The following PTPRG variants were observed in gnomAD, a reference collection of about 807,000 sequenced individuals.
PTPRG encodes the protein protein tyrosine phosphatase receptor type G.
Under a neutral mutation model 165.3 loss-of-function variants are expected in PTPRG, and 102 were observed. That is an observed-to-expected ratio of 0.62 (90% CI 0.53 to 0.73). The LOEUF (loss-of-function observed/expected upper bound fraction) is 0.73. Among genes scored for constraint, PTPRG ranks in the 30% least tolerant of loss-of-function variants. The pLI is 0.00. For synonymous variants in PTPRG, 675 were observed against 669.5 expected, an observed-to-expected ratio of 1.01 and a Z score of -0.13; for missense variants, 1,866 against 1,861.4, an observed-to-expected ratio of 1.00 and a Z score of -0.05.
intron 15 of PTPRG, among the ~76,000 whole-genome samples, chr3:62,250,074 C>T (rs1013558825): frequency 2.6e-5 from 4 of 152,102 alleles, no homozygotes; most frequent in African/African-American, 9.7e-5. Context: ...GCCAGGCACT[C>T]TTATAAGTAC....
intron 5 of PTPRG, among the ~76,000 whole-genome samples, chr3:62,092,449 A>AAAAAAAAG (rs1701974481): frequency 6.7e-6 from 1 of 150,348 alleles, no homozygotes; most frequent in African/African-American, 2.5e-5. Flanking sequence ...GAAAAAAAAA[A>AAAAAAAAG]AAAAAAAAAA....
chr3:61,660,729 C>A (rs1048911502), intron 1 of PTPRG, among the ~76,000 whole-genome samples: 1 of 152,106 alleles, frequency 6.6e-6, no homozygotes, highest in African/African-American at 2.4e-5. Flanking sequence ...TGACTGGATG[C>A]GTTGGCTCAC....
At chr3:61,786,176 G>A (rs1046947421) in intron 2 of PTPRG, among the ~76,000 whole-genome samples, 2 of 152,152 alleles carry the variant, frequency 1.3e-5, no homozygotes, top group Non-Finnish European at 1.5e-5. Flanking sequence ...GGTAGAGTAG[G>A]TAGTGTCAGA....
Position 61,628,653 on chromosome 3 carries a change from T to C in PTPRG, c.85+66281T>C, listed in dbSNP as rs566355841. On this transcript the variant is annotated intron_variant, in intron 1 of 29. Coordinates refer to ENST00000474889, the MANE Select transcript of PTPRG (RefSeq NM_002841.4). ...CCAGCCCTGTCAACTTCTAATGATA[T>C]AATGTTGGTGGTGATGGTAAATTAT... Among the ~76,000 whole-genome samples the C allele has an allele frequency of 6.8e-4, 104 of 152,210 alleles. 1 individual carries two copies. Among genetic ancestry groups the C allele is most frequent in the African/African-American group, 2.4e-3 (100 of 41,520 alleles).
intron 23 of PTPRG, among the ~76,000 whole-genome samples, chr3:62,274,118 G>C (rs1702158919): frequency 6.6e-6 from 1 of 152,068 alleles, no homozygotes; most frequent in Non-Finnish European, 1.5e-5. Flanking sequence ...TAATGACATA[G>C]TACTTTAAAG....
Position 61,597,703 on chromosome 3 carries a change from A to T in PTPRG, c.85+35331A>T, listed in dbSNP as rs115586196. Among the ~76,000 whole-genome samples, 863 of 152,294 alleles carry T rather than the reference A, an allele frequency of 5.7e-3. 4 individuals carry two copies. The highest frequency in any genetic ancestry group is 0.02 in the African/African-American group (825 of 41,558). Reference sequence around the variant, plus strand: ...TAATTTAATCTATTAAAATGGATAAATCTGCAAGGATGTTGAAGACCCTGT... The same window carrying T: ...TAATTTAATCTATTAAAATGGATAATTCTGCAAGGATGTTGAAGACCCTGT... On this transcript the variant is annotated intron_variant, in intron 1 of 29. Coordinates refer to ENST00000474889, the MANE Select transcript of PTPRG (RefSeq NM_002841.4).
At chr3:61,592,420 A>G (rs1323176760) in intron 1 of PTPRG, among the ~76,000 whole-genome samples, 1 of 152,088 alleles carries the variant, frequency 6.6e-6, no homozygotes, top group Admixed American at 6.6e-5. Context: ...GGATGAGCCC[A>G]AACTGCTTGG....
chr3:61,666,830 C>A (rs1702824957), intron 1 of PTPRG, among the ~76,000 whole-genome samples: 1 of 152,152 alleles, frequency 6.6e-6, no homozygotes. Context: ...TAATTTGTTT[C>A]TGACCACTGA....
chr3:61,629,848 G>A (rs1250471138), intron 1 of PTPRG, among the ~76,000 whole-genome samples: 7 of 152,218 alleles, frequency 4.6e-5, no homozygotes, highest in Admixed American at 2.6e-4. Context: ...CATTGTTTAA[G>A]TGTAACATGT....
intron 1 of PTPRG, among the ~76,000 whole-genome samples, chr3:61,617,585 T>A (rs537410260): frequency 3.3e-5 from 5 of 152,332 alleles, no homozygotes; most frequent in African/African-American, 1.2e-4. Flanking sequence ...TGAGAAAGGC[T>A]TAATTTTACA....
intron 8 of PTPRG, among the ~76,000 whole-genome samples, chr3:62,179,475 A>G (rs544165048): frequency 1.3e-5 from 2 of 152,314 alleles, no homozygotes; most frequent in South Asian, 2.1e-4. Flanking sequence ...GAGCTATGCA[A>G]TTCTTTGCTT....
intron 5 of PTPRG, among the ~76,000 whole-genome samples, chr3:62,127,624 G>T (rs1285443816): frequency 6.6e-6 from 1 of 152,156 alleles, no homozygotes; most frequent in Non-Finnish European, 1.5e-5. Flanking sequence ...GATGTTTATG[G>T]AACTAAAGGA....
intron 4 of PTPRG, among the ~76,000 whole-genome samples, chr3:62,004,161 A>G (rs772485877): frequency 2.6e-5 from 4 of 152,182 alleles, no homozygotes; most frequent in Non-Finnish European, 5.9e-5. Context: ...GGGACAGCAC[A>G]TCTCTTCCAA....
chr3:62,087,651 G>A (rs1049533103), intron 5 of PTPRG, among the ~76,000 whole-genome samples: 1 of 152,132 alleles, frequency 6.6e-6, no homozygotes, highest in African/African-American at 2.4e-5. Flanking sequence ...ACTAAGTGTT[G>A]GAGCCAGCAT....
At chr3:61,565,919 C>T (rs1400049693) in intron 1 of PTPRG, among the ~76,000 whole-genome samples, 1 of 151,980 alleles carries the variant, frequency 6.6e-6, no homozygotes, top group Non-Finnish European at 1.5e-5. Flanking sequence ...TTTCTCTTTA[C>T]AGGGTGTGAG....
chr3:62,167,331 A>G (rs536288686), intron 7 of PTPRG, among the ~76,000 whole-genome samples: 1 of 152,196 alleles, frequency 6.6e-6, no homozygotes, highest in Non-Finnish European at 1.5e-5. Context: ...CGACTTTGCC[A>G]AACTTGATCA....
intron 2 of PTPRG, among the ~76,000 whole-genome samples, chr3:61,918,546 C>T (rs763299569): frequency 1.3e-5 from 2 of 152,088 alleles, no homozygotes; most frequent in African/African-American, 2.4e-5. Context: ...ACAAATAGTA[C>T]TGAGGATAGG....
chr3:62,237,711 T>A lies in PTPRG; in HGVS notation c.2376-6096T>A, dbSNP rs1033560354. Among the ~76,000 whole-genome samples the A allele has an allele frequency of 4.5e-4, 69 of 152,240 alleles. No individual in the cohort carries two copies. The highest frequency in any genetic ancestry group is 3.1e-4 in the Non-Finnish European group (21 of 68,042). On this transcript the variant is annotated intron_variant, in intron 14 of 29. Coordinates refer to ENST00000474889, the MANE Select transcript of PTPRG (RefSeq NM_002841.4). This position sits in a 1 kb window ranked among gnomAD's most constrained non-coding sequence, Gnocchi z 4.5. Reference sequence around the variant, plus strand: ...AATCACAAGCTTCATGTGTCCCATGTGGGCTTTTAAGAAGCCATGCATACT... The same window carrying A: ...AATCACAAGCTTCATGTGTCCCATGAGGGCTTTTAAGAAGCCATGCATACT...
chr3:62,231,760 G>C (rs1700907198), intron 14 of PTPRG, among the ~76,000 whole-genome samples: 1 of 151,958 alleles, frequency 6.6e-6, no homozygotes, highest in Non-Finnish European at 1.5e-5. Flanking sequence ...AGAGTAGGAA[G>C]GGGAGAGAGA....
Sources: allele counts gnomAD v4.1 joint callset (sites outside exome capture counted in the v4.1 genomes callset), GRCh38; gene constraint gnomAD v4.1.1; non-coding constraint Gnocchi (gnomAD v3.1); transcripts MANE v1.5; gene names NCBI Gene and HGNC (gene_info 2026-07-23, HGNC 2026-07-21).